Variants in SDK1 observed in about 807,000 individuals in gnomAD.
SDK1 encodes the protein sidekick cell adhesion molecule 1, also known as protein sidekick-1.
Under a neutral mutation model 245.5 loss-of-function variants are expected in SDK1, and 157 were observed. That is an observed-to-expected ratio of 0.64 (90% CI 0.56 to 0.73). SDK1 has a LOEUF of 0.73. Ranked by LOEUF, SDK1 falls within the 30% of genes least tolerant of loss-of-function variation. SDK1 has a pLI of 0.00. For missense variants in SDK1, 3,583 were observed against 3,002.3 expected (o/e 1.19, Z -4.52); for synonymous variants, 1,647 against 1,278.5 (o/e 1.29, Z -6.15).
In SDK1 at chr7:4,171,812, CT is replaced by C. The variant is rs969932588; in HGVS notation, c.4801-2409del. Among the ~76,000 whole-genome samples, 176 of 152,258 alleles carry C rather than the reference CT, an allele frequency of 1.2e-3. 14 individuals are homozygous for C. The highest frequency in any genetic ancestry group is 1.5e-4 in the Non-Finnish European group (10 of 68,050). ...TGGTCTGTGGTGGGCAGCGGGAGTC[CT>C]CGGACCTGGGGCTGCAAGCCCGCAG... On this transcript the variant is annotated intron_variant, in intron 32 of 44. Coordinates refer to ENST00000404826, the MANE Select transcript of SDK1 (RefSeq NM_152744.4).
chr7:3,540,131 G>C (rs548960044), intron 1 of SDK1, among the ~76,000 whole-genome samples: 41 of 152,360 alleles, frequency 2.7e-4, no homozygotes, highest in Middle Eastern at 3.4e-3. Flanking sequence ...GGGAGGCCGG[G>C]TGTGGTGGCT....
At chr7:4,100,626 T>C (rs914394325) in intron 22 of SDK1, among the ~76,000 whole-genome samples, 4 of 152,110 alleles carry the variant, frequency 2.6e-5, no homozygotes, top group Non-Finnish European at 5.9e-5. Context: ...ATCCCCAGCC[T>C]GGAAGGGAGT....
At chr7:3,580,383 C>T (rs947936423) in intron 1 of SDK1, among the ~76,000 whole-genome samples, 5 of 152,180 alleles carry the variant, frequency 3.3e-5, no homozygotes, top group African/African-American at 1.2e-4. Context: ...TGTTACCTGA[C>T]TTCAAATTAT....
intron 2 of SDK1, among the ~76,000 whole-genome samples, chr7:3,625,779 G>A (rs1371608401): frequency 6.6e-6 from 1 of 152,106 alleles, no homozygotes; most frequent in East Asian, 1.9e-4. Flanking sequence ...TGGTGCCAGA[G>A]AATCCCCAGG....
chr7:4,095,374 G>C (rs186992481), intron 22 of SDK1, among the ~76,000 whole-genome samples: 26 of 152,094 alleles, frequency 1.7e-4, no homozygotes, highest in Non-Finnish European at 2.9e-5. Flanking sequence ...TATGTGTAGC[G>C]GACCTGCATA....
At chr7:3,335,246 C>T (rs962058624) in intron 1 of SDK1, among the ~76,000 whole-genome samples, 7 of 152,110 alleles carry the variant, frequency 4.6e-5, no homozygotes, top group African/African-American at 1.7e-4. Flanking sequence ...ATTTAAAATC[C>T]TTGCTGTGGC....
At chr7:3,423,639 T>C (rs976615826) in intron 1 of SDK1, among the ~76,000 whole-genome samples, 1 of 151,984 alleles carries the variant, frequency 6.6e-6, no homozygotes, top group Admixed American at 6.6e-5. Flanking sequence ...TATTTCCAGG[T>C]AGGACTGTGC....
At chr7:3,388,574 T>C (rs1183975574) in intron 1 of SDK1, among the ~76,000 whole-genome samples, 1 of 151,654 alleles carries the variant, frequency 6.6e-6, no homozygotes, top group Non-Finnish European at 1.5e-5. Flanking sequence ...TTCTCAAATA[T>C]TAACTTTGAT....
At chr7:4,076,950 C>A (rs1478022902) in intron 20 of SDK1, 48 bp from the exon 21 acceptor site, 1 of 1,528,140 alleles carries the variant, frequency 6.5e-7, no homozygotes, top group South Asian at 1.1e-5. Flanking sequence ...TCAGGTGAGC[C>A]CTTGGCCTTC....
chr7:3,360,650 G>T (rs1780926407), intron 1 of SDK1, among the ~76,000 whole-genome samples: 1 of 152,176 alleles, frequency 6.6e-6, no homozygotes, highest in Non-Finnish European at 1.5e-5. Context: ...TGGATTGCGT[G>T]TCCTAGGTTT....
intron 5 of SDK1, among the ~76,000 whole-genome samples, chr7:3,854,064 A>T (rs767847051): frequency 7.2e-5 from 11 of 152,124 alleles, no homozygotes; most frequent in Non-Finnish European, 1.2e-4. Flanking sequence ...ATTTTTTTAA[A>T]ATGCTTTACA....
At chr7:3,880,274 C>T (rs951739941) in intron 5 of SDK1, among the ~76,000 whole-genome samples, 1 of 152,318 alleles carries the variant, frequency 6.6e-6, no homozygotes, top group Admixed American at 6.5e-5. Flanking sequence ...TCCCGAACAG[C>T]TGGTTGAGGT....
chr7:4,063,302 A>G lies in SDK1; in HGVS notation c.2912-4536A>G, dbSNP rs1193974910. Among the ~76,000 whole-genome samples the G allele has an allele frequency of 6.6e-5, 10 of 152,324 alleles. No individual in the cohort carries two copies. In the East Asian group the frequency reaches 1.3e-3, roughly 21 times the overall value. ...AAAATCAGTAGCATTTCTATAAACC[A>G]ATAATGAACTAGCTGAGAAATAAAT... On this transcript the variant is annotated intron_variant, in intron 19 of 44. Coordinates refer to ENST00000404826, the MANE Select transcript of SDK1 (RefSeq NM_152744.4).
At chr7:4,144,210 G>C (rs1043744842) in intron 28 of SDK1, among the ~76,000 whole-genome samples, 6 of 152,170 alleles carry the variant, frequency 3.9e-5, no homozygotes, top group Admixed American at 1.3e-4. Flanking sequence ...CAGTGACTGG[G>C]AAGGAACAGG....
intron 4 of SDK1, among the ~76,000 whole-genome samples, chr7:3,689,752 A>G (rs1481202124): frequency 6.6e-6 from 1 of 152,232 alleles, no homozygotes; most frequent in Non-Finnish European, 1.5e-5. Context: ...CTACAGAGGA[A>G]GCAAATAATT....
chr7:3,811,275 C>A (rs1259269847), intron 4 of SDK1, among the ~76,000 whole-genome samples: 1 of 152,174 alleles, frequency 6.6e-6, no homozygotes, highest in Non-Finnish European at 1.5e-5. Flanking sequence ...TCCAGTTCCA[C>A]TTCTCTTGCC....
chr7:4,139,190 C>G (rs551645183), intron 28 of SDK1, among the ~76,000 whole-genome samples: 1,542 of 152,270 alleles, frequency 0.01, 37 homozygotes, highest in African/African-American at 0.035. Flanking sequence ...ACCCACCCCC[C>G]ATTTCCTGGA....
intron 4 of SDK1, among the ~76,000 whole-genome samples, chr7:3,715,661 A>G (rs1013458810): frequency 6.6e-6 from 1 of 152,210 alleles, no homozygotes; most frequent in Non-Finnish European, 1.5e-5. Flanking sequence ...CCCTAAACCC[A>G]TCAGGCAACT....
intron 5 of SDK1, among the ~76,000 whole-genome samples, chr7:3,947,246 C>G (rs1780613381): frequency 1.3e-5 from 2 of 152,156 alleles, no homozygotes; most frequent in South Asian, 4.1e-4. Context: ...AGAAGCCACC[C>G]TCACCCCCAA....
Sources: allele counts gnomAD v4.1 joint callset (sites outside exome capture counted in the v4.1 genomes callset), GRCh38; gene constraint gnomAD v4.1.1; transcripts MANE v1.5; gene names NCBI Gene and HGNC (gene_info 2026-07-23, HGNC 2026-07-21).